The following ALPK3 variants were observed in gnomAD, a reference collection of about 807,000 sequenced individuals.
ALPK3 encodes the protein alpha-protein kinase 3.
A neutral mutation model predicts 140.0 loss-of-function variants in ALPK3; 102 were observed. That is an observed-to-expected ratio of 0.73 (90% CI 0.62 to 0.86). ALPK3 has a LOEUF of 0.86. Ranked by LOEUF, ALPK3 falls within the 40% of genes least tolerant of loss-of-function variation. The probability of loss-of-function intolerance (pLI) is 0.00; values close to 1 mark genes in which losing one functional copy is unlikely to be tolerated. For missense variants in ALPK3, 2,254 were observed against 2,208.2 expected (o/e 1.02, Z -0.42); for synonymous variants, 938 against 898.5 (o/e 1.04, Z -0.79).
intron 12 of ALPK3, among the ~76,000 whole-genome samples, chr15:84,866,487 T>C (rs770536426): frequency 6.6e-6 from 1 of 152,226 alleles, no homozygotes; most frequent in Non-Finnish European, 1.5e-5. Flanking sequence ...CATATGATGG[T>C]ACTCAGCCCT....
At position 84,859,227 on chromosome 15, in the gene ALPK3, T is replaced by G. The variant is rs755306115; in HGVS notation, c.3818-16T>G. 1 of 1,613,784 alleles carries G rather than the reference T, an allele frequency of 6.2e-7. No individual in the cohort carries two copies. The highest frequency in any genetic ancestry group is 1.7e-5 in the Admixed American group (1 of 60,026). ...GGAGAGGTGGTGTTCCCCTCTTGAC[T>G]GGGCCCTGCTCTCAGCCCCACAGGT... On this transcript the variant is annotated splice_polypyrimidine_tract_variant and intron_variant, in intron 6 of 13. Coordinates refer to ENST00000258888, the MANE Select transcript of ALPK3 (RefSeq NM_020778.5).
rs778227903 is a variant in ALPK3 at position 84,840,539 on chromosome 15, G to A, written c.1260G>A (p.Leu420=). 6.2e-7 allele frequency: 1 copy of A among 1,604,314 alleles called. No individual in the cohort carries two copies. The highest frequency in any genetic ancestry group is 8.5e-7 in the Non-Finnish European group (1 of 1,176,184). The change falls in exon 5 of 14, where the codon CTG becomes CTA. Residue 420 remains leucine (L), a synonymous_variant. Coordinates refer to ENST00000258888, the MANE Select transcript of ALPK3 (RefSeq NM_020778.5). Reference sequence around the variant, plus strand: ...ATTTCTCCTTGAAGGACATGTACCTGGAGAACACCCAGGCAGTCAGGCCTC... The same window carrying A: ...ATTTCTCCTTGAAGGACATGTACCTAGAGAACACCCAGGCAGTCAGGCCTC... The part of the protein sequence containing the change: ...EVYFSLKDMY[L]ENTQAVRPLG...
chr15:84,857,775 C>A lies in ALPK3; in HGVS notation c.3037C>A (p.Arg1013Ser), dbSNP rs142109538. The change falls in exon 6 of 14, where the codon CGC (arginine) becomes AGC (serine). Residue 1013 changes from arginine (R) to serine (S), a missense_variant. Physicochemically the swap from Arg to Ser is moderately radical, Grantham distance 110. Coordinates refer to ENST00000258888, the MANE Select transcript of ALPK3 (RefSeq NM_020778.5). ...TGGGCTTAGTCCCCGGACATCGAGGCGCATCCTGGAGCGTGTGGAGAACAA... is the reference window on the plus strand; with the variant it reads ...TGGGCTTAGTCCCCGGACATCGAGGAGCATCCTGGAGCGTGTGGAGAACAA... The part of the protein sequence containing the change: ...VAGLSPRTSR[R>S]ILERVENNHL... 1.2e-6 allele frequency: 2 copies of A among 1,612,738 alleles called. No individual in the cohort carries two copies. The highest frequency in any genetic ancestry group is 2.2e-5 in the South Asian group (2 of 91,020).
Position 84,868,765 on chromosome 15 carries a change from C to A in ALPK3, c.*309C>A. The A allele has an allele frequency of 2.5e-6, 1 of 407,420 alleles. No homozygotes were observed. The highest frequency in any genetic ancestry group is 4.5e-6 in the Non-Finnish European group (1 of 220,940). 25.2% of individuals were successfully genotyped at this position (407,420 alleles called of 1,614,324 possible). On this transcript the variant is annotated 3_prime_UTR_variant, in exon 14 of 14. Transcript: ENST00000258888. ...GTTTACACTTTGCCACTGCTGGAGG[C>A]TCCCCTGAGTCCTCTGCATGAGTTC...
At chr15:84,862,529 C>G in intron 9 of ALPK3, 106 bp from the exon 10 acceptor site, 1 of 1,376,282 alleles carries the variant, frequency 7.3e-7, no homozygotes, top group Non-Finnish European at 9.9e-7. Context: ...GTGAGCCCAG[C>G]AGGTTGGCAG....
chr15:84,827,687 G>A, intron 3 of ALPK3, 82 bp downstream of exon 3: 1 of 1,568,736 alleles, frequency 6.4e-7, no homozygotes, highest in African/African-American at 1.3e-5. Context: ...AGGAATGGTG[G>A]GGTGGCGGGC....
chr15:84,839,903 G>C lies in ALPK3; in HGVS notation c.624G>C (p.Gly208=), dbSNP rs145003820. 217 of 1,613,830 alleles carry C rather than the reference G, an allele frequency of 1.3e-4. No homozygotes were observed. The highest frequency in any genetic ancestry group is 1.8e-4 in the Non-Finnish European group (208 of 1,179,918). Residue 208 remains glycine (G), a synonymous_variant, in exon 5 of 14, where the codon GGG becomes GGC. Coordinates refer to ENST00000258888, the MANE Select transcript of ALPK3 (RefSeq NM_020778.5). ...GGAAGCACGAGAAGGCGGTGCCTGG[G>C]GAGGTCGACACTCTGCGCAAGCTCA... ...QSWKHEKAVP[G]EVDTLRKLSP...
intron 6 of ALPK3, 95 bp downstream of exon 6, chr15:84,858,650 G>A: frequency 1.4e-6 from 2 of 1,444,912 alleles, no homozygotes; most frequent in Admixed American, 2.8e-5. Context: ...ATGACAGATA[G>A]CATATCCCTC....
At chr15:84,849,248 C>T (rs1404107705) in intron 5 of ALPK3, among the ~76,000 whole-genome samples, 2 of 151,804 alleles carry the variant, frequency 1.3e-5, no homozygotes, top group Non-Finnish European at 2.9e-5. Flanking sequence ...AACAACATAC[C>T]TTCAAAATAC....
chr15:84,861,343 T>A (rs1963943499), intron 9 of ALPK3, among the ~76,000 whole-genome samples: 1 of 152,212 alleles, frequency 6.6e-6, no homozygotes, highest in South Asian at 2.1e-4. Flanking sequence ...ATTTAGAGGT[T>A]TGGTCAGATT....
intron 1 of ALPK3, among the ~76,000 whole-genome samples, chr15:84,819,833 G>A (rs1208117218): frequency 6.6e-6 from 1 of 152,210 alleles, no homozygotes; most frequent in Non-Finnish European, 1.5e-5. Context: ...GTGAGGAGGG[G>A]CTACCCCTGG....
rs553688307 is a variant in ALPK3 at position 84,868,798 on chromosome 15, C to T, written c.*342C>T. On this transcript the variant is annotated 3_prime_UTR_variant, in exon 14 of 14. Coordinates refer to ENST00000258888, the MANE Select transcript of ALPK3 (RefSeq NM_020778.5). ...AGTCCTCTGCATGAGTTCTGCACCC[C>T]AAGCCCTTGCCCCAGCCCAGTCCAG... The T allele has an allele frequency of 1.3e-5, 4 of 315,928 alleles. No homozygotes were observed. Among genetic ancestry groups the T allele is most frequent in the Admixed American group, 8.9e-5 (2 of 22,514 alleles). The allele number at this position is 315,928 out of a possible 1,614,324, so 19.6% of individuals were successfully genotyped here.
In ALPK3 at chr15:84,860,038, G is replaced by T; in HGVS notation, c.4095G>T (p.Val1365=). The change falls in exon 9 of 14, where the codon GTG becomes GTT. Residue 1365 remains valine, a splice_region_variant and synonymous_variant. Transcript: ENST00000258888. ...GCTTTCTTCTTTTTCTGTATCTAGTGTTGTCAGGATTCATCTCCAGAGAAG... is the reference window on the plus strand; with the variant it reads ...GCTTTCTTCTTTTTCTGTATCTAGTTTTGTCAGGATTCATCTCCAGAGAAG... ...ASTDFCLSPE[V]LSGFISREEG... The T allele has an allele frequency of 6.2e-7, 1 of 1,614,130 alleles. No individual in the cohort carries two copies. Among genetic ancestry groups the T allele is most frequent in the Non-Finnish European group, 8.5e-7 (1 of 1,180,006 alleles).
intron 3 of ALPK3, among the ~76,000 whole-genome samples, chr15:84,831,467 A>G (rs1447926259): frequency 1.3e-5 from 2 of 151,886 alleles, no homozygotes; most frequent in African/African-American, 4.8e-5. Context: ...CCTTAGTTTT[A>G]TCTTTCAACT....
chr15:84,835,203 T>A (rs1963586443), intron 3 of ALPK3, among the ~76,000 whole-genome samples: 1 of 152,200 alleles, frequency 6.6e-6, no homozygotes, highest in African/African-American at 2.4e-5. Flanking sequence ...TCTCACAGGA[T>A]GGTGAGGACA....
intron 1 of ALPK3, among the ~76,000 whole-genome samples, chr15:84,820,987 A>AC (rs1274868404): frequency 1.1e-5 from 1 of 91,166 alleles, no homozygotes. Context: ...CCCACCTCCA[A>AC]CCCTTTTTTT....
intron 3 of ALPK3, among the ~76,000 whole-genome samples, chr15:84,837,850 G>A (rs895984405): frequency 2.0e-5 from 3 of 152,174 alleles, no homozygotes; most frequent in Admixed American, 1.3e-4. Flanking sequence ...CAGTCCATGT[G>A]GCAGAACATG....
chr15:84,842,609 T>G (rs1361223880), intron 5 of ALPK3, among the ~76,000 whole-genome samples: 1 of 152,102 alleles, frequency 6.6e-6, no homozygotes, highest in African/African-American at 2.4e-5. Context: ...CAGGAGGGGC[T>G]TTCCCATGGA....
Position 84,817,534 on chromosome 15 carries a change from C to G in ALPK3, c.82C>G (p.Pro28Ala). 1 of 1,498,794 alleles carries G rather than the reference C, an allele frequency of 6.7e-7. No individual in the cohort carries two copies. The highest frequency in any genetic ancestry group is 8.8e-7 in the Non-Finnish European group (1 of 1,130,298). 92.8% of individuals were successfully genotyped at this position (1,498,794 alleles called of 1,614,324 possible). The change falls in exon 1 of 14, where the codon CCC (proline) becomes GCC (alanine). Residue 28 changes from proline (P) to alanine (A), a missense_variant. Coordinates refer to ENST00000258888, the MANE Select transcript of ALPK3 (RefSeq NM_020778.5). ...GGGGGGCGACGGTGAGGACGACGGCCCCGTGTGGATCCCCAGCCCAGCCAG... is the reference window on the plus strand; with the variant it reads ...GGGGGGCGACGGTGAGGACGACGGCGCCGTGTGGATCCCCAGCCCAGCCAG... ...GAGGDGEDDGPVWIPSPASRS... is the reference protein window; with the variant it reads ...GAGGDGEDDGAVWIPSPASRS...
Sources: allele counts gnomAD v4.1 joint callset (sites outside exome capture counted in the v4.1 genomes callset), GRCh38; gene constraint gnomAD v4.1.1; transcripts MANE v1.5; gene names NCBI Gene and HGNC (gene_info 2026-07-23, HGNC 2026-07-21).